Variants in XIST observed in about 807,000 individuals in gnomAD.
The protein encoded by XIST is X inactive specific transcript (non-protein coding).
intron 2 of XIST, chrX:73,833,893 A>C (rs1922433339): frequency 8.9e-6 from 1 of 111,811 alleles, no homozygotes; most frequent in African/African-American, 3.3e-5. Flanking sequence ...ACCTTAAATG[A>C]ATACAGGCTT....
At chrX:73,850,334 G>A (rs769367662) in exon 1 of XIST, 3 of 543,779 alleles carry the variant, frequency 5.5e-6, no homozygotes, top group Non-Finnish European at 6.6e-6. Context: ...GAATTTTAAG[G>A]AACTCAAAAC....
chrX:73,831,401 T>A, intron 3 of XIST: 1 of 409,980 alleles, frequency 2.4e-6, no homozygotes, highest in Admixed American at 4.1e-5. Context: ...AGAGTGGACA[T>A]TTACAGTTGT....
exon 1 of XIST, chrX:73,846,886 TG>T: frequency 1.8e-6 from 1 of 559,046 alleles, no homozygotes; most frequent in Non-Finnish European, 3.2e-6. Context: ...AAAGAGGGTG[TG>T]ATAGGTCAGA....
exon 1 of XIST, chrX:73,849,737 T>C (rs932254492): frequency 5.4e-6 from 3 of 552,016 alleles, no homozygotes; most frequent in Admixed American, 2.3e-5. Flanking sequence ...CCCAGTATAA[T>C]AGGATAAGCA....
At chrX:73,851,891 G>T (rs1328431764) in exon 1 of XIST, 1 of 558,621 alleles carries the variant, frequency 1.8e-6, no homozygotes, top group Non-Finnish European at 3.2e-6. Context: ...TGCCAAAGCG[G>T]TAGGTACACT....
chrX:73,839,806 G>A (rs1922552764), intron 1 of XIST, among the ~76,000 whole-genome samples: 1 of 109,791 alleles, frequency 9.1e-6, no homozygotes. Context: ...ACCTTTGGAT[G>A]CTATCTAGTA....
chrX:73,847,980 A>G (rs1409338915), exon 1 of XIST: 1 of 559,315 alleles, frequency 1.8e-6, no homozygotes, highest in South Asian at 2.2e-5. Context: ...CACATTAACT[A>G]TCCTAGTGCA....
At chrX:73,833,352 A>C in exon 3 of XIST, 1 of 555,923 alleles carries the variant, frequency 1.8e-6, no homozygotes, top group African/African-American at 2.2e-5. Context: ...TGCAGTCCTC[A>C]GGTCTCACAT....
exon 6 of XIST, chrX:73,823,314 T>C (rs756862464): frequency 1.6e-4 from 77 of 468,623 alleles, no homozygotes; most frequent in Non-Finnish European, 2.8e-4. Context: ...TCTTTCTTTT[T>C]TTTTTTTTTT....
At chrX:73,850,902 T>C in exon 1 of XIST, 1 of 551,311 alleles carries the variant, frequency 1.8e-6, no homozygotes, top group Non-Finnish European at 3.3e-6. Context: ...GGGACAGAGG[T>C]GGAAAGGCTA....
At chrX:73,848,486 C>A (rs1454645889) in exon 1 of XIST, 4 of 556,419 alleles carry the variant, frequency 7.2e-6, no homozygotes, top group Non-Finnish European at 1.3e-5. Flanking sequence ...GGTTAGTGCA[C>A]AAGATCGTGG....
chrX:73,826,213 C>T (rs1243744760), exon 6 of XIST: 1 of 557,806 alleles, frequency 1.8e-6, no homozygotes, highest in East Asian at 3.2e-5. Flanking sequence ...CCTGGAGCAT[C>T]TCTTCACATT....
intron 5 of XIST, chrX:73,828,158 T>C (rs1003480628): frequency 2.5e-6 from 1 of 403,000 alleles, no homozygotes; most frequent in Non-Finnish European, 4.2e-6. Flanking sequence ...CTACTTATAG[T>C]ACTACAATAA....
At chrX:73,827,337 A>C in exon 6 of XIST, 1 of 558,791 alleles carries the variant, frequency 1.8e-6, no homozygotes, top group Non-Finnish European at 3.2e-6. Flanking sequence ...ATATTTAAGG[A>C]GAGATTACAT....
rs772391080 is a variant in XIST, at chrX:73,845,161, C to A, written n.7563G>T. 9 of 550,179 alleles carry A rather than the reference C, an allele frequency of 1.6e-5. No individual in the cohort carries two copies. In the East Asian group the frequency reaches 3.0e-4, roughly 18 times the overall value. The allele number at this position is 550,179 out of a possible 1,213,427, so 45.3% of individuals were successfully genotyped here. A position where few individuals can be genotyped will look rare whatever the true frequency, so the allele number is the denominator to read the frequency against. On this transcript the variant is annotated non_coding_transcript_exon_variant, in exon 1 of 6. Coordinates refer to ENST00000429829, the Ensembl canonical transcript of XIST. ...GGTCACATACAATTGTGCACCTTGA[C>A]TGTCCAAATGTAAGGGTCTTATGGA...
exon 1 of XIST, chrX:73,849,600 A>C (rs779156029): frequency 1.8e-6 from 1 of 558,348 alleles, no homozygotes; most frequent in East Asian, 3.2e-5. Flanking sequence ...ACATTCCCTA[A>C]CTTCAACGTA....
At chrX:73,850,509 T>C (rs772070058) in exon 1 of XIST, 2 of 544,281 alleles carry the variant, frequency 3.7e-6, no homozygotes, top group East Asian at 3.3e-5. Context: ...GACCCCAGCA[T>C]TAGCCAAGGG....
exon 1 of XIST, chrX:73,850,894 G>A (rs1266855091): frequency 3.6e-6 from 2 of 548,465 alleles, no homozygotes; most frequent in African/African-American, 4.5e-5. Context: ...AATAAGAGGG[G>A]ACAGAGGTGG....
exon 6 of XIST, chrX:73,825,761 A>C: frequency 1.9e-6 from 1 of 516,260 alleles, no homozygotes. Flanking sequence ...CACAATTTAC[A>C]CTGCACTTTC....
Sources: allele counts gnomAD v4.1 joint callset (sites outside exome capture counted in the v4.1 genomes callset), GRCh38; gene constraint gnomAD v4.1.1; transcripts MANE v1.5; gene names NCBI Gene and HGNC (gene_info 2026-07-23, HGNC 2026-07-21).